The following SLC35A1 variants were observed in gnomAD, a reference collection of about 807,000 sequenced individuals.
SLC35A1 encodes solute carrier family 35 member A1, also known as CMP-sialic acid transporter.
Under a neutral mutation model 40.3 loss-of-function variants are expected in SLC35A1, and 21 were observed. That is an observed-to-expected ratio of 0.52 (90% confidence interval 0.37 to 0.75). SLC35A1 has a LOEUF of 0.75. Ranked by LOEUF, SLC35A1 falls within the 30% of genes least tolerant of loss-of-function variation. The pLI is 0.00. For synonymous variants in SLC35A1, 146 were observed against 147.3 expected, an observed-to-expected ratio of 0.99 and a Z score of 0.06; for missense variants, 297 against 382.1, an observed-to-expected ratio of 0.78 and a Z score of 1.86.
intron 5 of SLC35A1, 55 bp from the exon 6 acceptor site, chr6:87,508,365 A>G (rs1166102583): frequency 1.7e-6 from 2 of 1,202,548 alleles, no homozygotes; most frequent in Non-Finnish European, 2.4e-6. Flanking sequence ...AATGAAAGAC[A>G]TTTTAAGTTA....
chr6:87,492,137 T>C (rs533300993), intron 2 of SLC35A1, among the ~76,000 whole-genome samples: 40 of 152,342 alleles, frequency 2.6e-4, no homozygotes, highest in East Asian at 1.7e-3. Flanking sequence ...CATTCTCTTA[T>C]ATATAATCAA....
Position 87,511,569 on chromosome 6 carries a change from C to G in SLC35A1, c.*43C>G. 6.2e-7 allele frequency: 1 copy of G among 1,601,012 alleles called. No individual in the cohort carries two copies. The highest frequency in any genetic ancestry group is 8.6e-7 in the Non-Finnish European group (1 of 1,168,596). ...ACTCCTTTTAAGACTAAACCATTTG[C>G]ATTAAACTAGAGCCTTAAGTCAATC... is the stretch of plus-strand genomic sequence containing the variant. On this transcript the variant is annotated 3_prime_UTR_variant, in exon 8 of 8. Transcript: ENST00000369552.
intron 1 of SLC35A1, among the ~76,000 whole-genome samples, chr6:87,473,601 A>G (rs1318761206): frequency 9.0e-6 from 1 of 111,098 alleles, no homozygotes. Context: ...GTGTGTAATT[A>G]TAGAGAATGC....
chr6:87,490,441 C>G (rs1769514740), intron 2 of SLC35A1, among the ~76,000 whole-genome samples: 1 of 147,242 alleles, frequency 6.8e-6, no homozygotes, highest in South Asian at 2.2e-4. Context: ...GCAAGTGATT[C>G]TCCTGCCTCA....
At chr6:87,473,054 C>T (rs1225303155) in intron 1 of SLC35A1, 35 bp downstream of exon 1, 4 of 502,272 alleles carry the variant, frequency 8.0e-6, no homozygotes, top group African/African-American at 4.0e-5. Context: ...GGGGAGTCCG[C>T]GGGGGGCGGC....
At chr6:87,499,170 A>T (rs1217845968) in intron 2 of SLC35A1, 1 of 947,762 alleles carries the variant, frequency 1.1e-6, no homozygotes. Flanking sequence ...GGCACAGGTT[A>T]GTCAATTTAA....
At chr6:87,500,874 C>T (rs567344354) in intron 3 of SLC35A1, among the ~76,000 whole-genome samples, 11 of 151,952 alleles carry the variant, frequency 7.2e-5, no homozygotes, top group African/African-American at 2.2e-4. Context: ...CAGCCTCCCG[C>T]GTAGCTGGGA....
intron 4 of SLC35A1, among the ~76,000 whole-genome samples, 180 bp from the exon 5 acceptor site, chr6:87,506,202 C>T (rs1451981847): frequency 6.6e-6 from 1 of 152,078 alleles, no homozygotes; most frequent in African/African-American, 2.4e-5. Context: ...AAGCCAAGTG[C>T]CCTGGTTAAT....
intron 2 of SLC35A1, among the ~76,000 whole-genome samples, chr6:87,494,074 C>CT (rs71018023): frequency 0.11 from 15,624 of 148,428 alleles, 841 homozygotes; most frequent in East Asian, 0.23. Context: ...CCCCACTTTC[C>CT]TTTTTTTTTT....
intron 2 of SLC35A1, among the ~76,000 whole-genome samples, chr6:87,488,797 ATC>A (rs1455020579): frequency 6.6e-6 from 1 of 152,226 alleles, no homozygotes; most frequent in Non-Finnish European, 1.5e-5. Context: ...AATTCATACA[ATC>A]TCTGACTAAA....
At chr6:87,481,353 G>T (rs912286513) in intron 2 of SLC35A1, among the ~76,000 whole-genome samples, 1 of 151,534 alleles carries the variant, frequency 6.6e-6, no homozygotes, top group Admixed American at 6.6e-5. Flanking sequence ...GGAGGCGGAG[G>T]TTGTGGTGAG....
rs980865962 is a variant in SLC35A1, at chr6:87,510,687, C to A, written c.887-712C>A. 1.5e-4 allele frequency among the ~76,000 whole-genome samples: 23 copies of A among 151,914 alleles called. 1 individual carries two copies. The highest frequency in any genetic ancestry group is 3.1e-4 in the Non-Finnish European group (21 of 67,974). On this transcript the variant is annotated intron_variant, in intron 7 of 7. Coordinates refer to ENST00000369552, the MANE Select transcript of SLC35A1 (RefSeq NM_006416.5). The stretch of plus-strand genomic sequence containing the variant: ...ACCTGAGGTTGGGGACCAGCCTGAC[C>A]AACGTGGAGAAATCCTGTCTCTACT...
chr6:87,506,568 G>C, intron 5 of SLC35A1, 120 bp downstream of exon 5: 1 of 848,090 alleles, frequency 1.2e-6, no homozygotes, highest in Admixed American at 1.8e-5. Context: ...TGATCTTCTT[G>C]CTTATATTTA....
chr6:87,493,462 TTGTG>T (rs71018022), intron 2 of SLC35A1, among the ~76,000 whole-genome samples: 17 of 150,428 alleles, frequency 1.1e-4, no homozygotes, highest in East Asian at 2.0e-4. Context: ...CTAAATCTAG[TTGTG>T]TGTGTGTGTG....
chr6:87,510,938 G>A (rs967514822), intron 7 of SLC35A1, among the ~76,000 whole-genome samples: 1 of 151,628 alleles, frequency 6.6e-6, no homozygotes, highest in Non-Finnish European at 1.5e-5. Context: ...GTAAATTATC[G>A]CCTCATCTCC....
chr6:87,486,374 A>G (rs1019471679), intron 2 of SLC35A1, among the ~76,000 whole-genome samples: 4 of 152,182 alleles, frequency 2.6e-5, no homozygotes, highest in African/African-American at 9.7e-5. Context: ...TAGTCATTCT[A>G]AGTTGTTTCA....
rs764816985 is a variant in SLC35A1 at position 87,511,521 on chromosome 6, G to A, written c.1009G>A (p.Val337Met). The change falls in exon 8 of 8, where the codon GTG becomes ATG. Residue 337 changes from valine to methionine, a missense_variant. Transcript: ENST00000369552. ...ETASKERVIGV is the reference protein window; with the variant it reads ...ETASKERVIGM ...AGCTTCAAAGGAGAGAGTTATTGGT[G>A]TGTGATTTTAGCCTCACGTGAGACT... 8 of 1,613,882 alleles carry A rather than the reference G, an allele frequency of 5.0e-6. No homozygotes were observed. Among genetic ancestry groups the A allele is most frequent in the Non-Finnish European group, 6.8e-6 (8 of 1,179,952 alleles).
At chr6:87,484,160 TC>T (rs753488319) in intron 2 of SLC35A1, among the ~76,000 whole-genome samples, 1 of 152,140 alleles carries the variant, frequency 6.6e-6, no homozygotes, top group Non-Finnish European at 1.5e-5. Flanking sequence ...TTGGTTTCTT[TC>T]TGTGTTGCTG....
intron 2 of SLC35A1, among the ~76,000 whole-genome samples, chr6:87,478,001 A>G (rs2127963090): frequency 6.6e-6 from 1 of 152,238 alleles, no homozygotes; most frequent in East Asian, 1.9e-4. Context: ...TAATAATAAC[A>G]TTTCTTGAGT....
Sources: gnomAD v4.1 joint callset for allele counts (sites outside exome capture counted in the v4.1 genomes callset) on GRCh38, gnomAD v4.1.1 for gene constraint, MANE v1.5 for transcripts, NCBI Gene and HGNC (gene_info 2026-07-23, HGNC 2026-07-21) for gene names.